Variants in DNER observed in about 807,000 individuals in gnomAD.
DNER encodes delta and Notch-like epidermal growth factor-related receptor.
Under a neutral mutation model 78.2 loss-of-function variants are expected in DNER, and 33 were observed. The observed-to-expected ratio is 0.42, with a 90% CI of 0.32 to 0.56. DNER has a LOEUF of 0.56. Ranked by LOEUF, DNER falls within the 20% of genes least tolerant of loss-of-function variation. The pLI is 0.11. For missense variants in DNER, 918 were observed against 975.3 expected (o/e 0.94, Z 0.78); for synonymous variants, 417 against 384.8 (o/e 1.08, Z -0.98).
Position 229,482,499 on chromosome 2 carries a change from A to G in DNER, c.1148-5246T>C, listed in dbSNP as rs920064357. 5.0e-4 allele frequency among the ~76,000 whole-genome samples: 76 copies of G among 152,122 alleles called. 1 individual carries two copies. The highest frequency in any genetic ancestry group is 1.0e-3 in the Non-Finnish European group (69 of 68,012). ...GGCCCCTGCACCCTCATCTTGGCCC[A>G]GTCCTGCCACCGACCACCGTGCTGC... On this transcript the variant is annotated intron_variant, in intron 6 of 12. Coordinates refer to ENST00000341772, the MANE Select transcript of DNER (RefSeq NM_139072.4).
At chr2:229,496,081 C>T (rs1055204962) in intron 6 of DNER, among the ~76,000 whole-genome samples, 2 of 152,170 alleles carry the variant, frequency 1.3e-5, no homozygotes, top group Admixed American at 6.5e-5. Context: ...CTCAAAGCTT[C>T]TGATATAGCC....
intron 1 of DNER, among the ~76,000 whole-genome samples, chr2:229,688,569 C>A (rs1417691197): frequency 1.3e-5 from 2 of 152,110 alleles, no homozygotes; most frequent in African/African-American, 2.4e-5. Context: ...AGATCTTGGC[C>A]CTCTAGGCAG....
intron 1 of DNER, among the ~76,000 whole-genome samples, chr2:229,679,165 C>T (rs1446178805): frequency 6.6e-6 from 1 of 152,132 alleles, no homozygotes; most frequent in African/African-American, 2.4e-5. Flanking sequence ...TAAATGCTGC[C>T]TCAGACCTGC....
chr2:229,522,875 C>A (rs1178353714), intron 5 of DNER, among the ~76,000 whole-genome samples: 2 of 152,158 alleles, frequency 1.3e-5, no homozygotes, highest in East Asian at 3.9e-4. Flanking sequence ...ATTTAATCCT[C>A]CCAACAGCCT....
chr2:229,553,701 C>CA (rs1382012499), intron 4 of DNER, among the ~76,000 whole-genome samples: 2 of 152,180 alleles, frequency 1.3e-5, no homozygotes, highest in African/African-American at 4.8e-5. Context: ...CTCCGTACTT[C>CA]AATCTCTATT....
intron 4 of DNER, among the ~76,000 whole-genome samples, chr2:229,557,773 C>T (rs770912461): frequency 4.6e-5 from 7 of 151,464 alleles, no homozygotes; most frequent in African/African-American, 1.5e-4. Flanking sequence ...GAAACAAAGT[C>T]GAAATGGAGG....
intron 7 of DNER, among the ~76,000 whole-genome samples, chr2:229,462,264 C>A (rs985411183): frequency 6.6e-6 from 1 of 152,006 alleles, no homozygotes. Context: ...TATGTATTGT[C>A]AGAAAGCAAT....
chr2:229,670,994 G>A (rs761061351), intron 1 of DNER, among the ~76,000 whole-genome samples: 82 of 152,168 alleles, frequency 5.4e-4, no homozygotes, highest in Admixed American at 1.5e-3. Context: ...CAGGGAGGGG[G>A]AATTTTTTTC....
chr2:229,707,180 A>ATTT (rs397868353), intron 1 of DNER, among the ~76,000 whole-genome samples: 11 of 94,608 alleles, frequency 1.2e-4, no homozygotes, highest in South Asian at 4.1e-4. Flanking sequence ...CGGCTGGCTA[A>ATTT]TTTTTTTTTT....
At chr2:229,589,545 T>C in intron 2 of DNER, among the ~76,000 whole-genome samples, 1 of 152,218 alleles carries the variant, frequency 6.6e-6, no homozygotes, top group East Asian at 1.9e-4. Flanking sequence ...TATTAACATG[T>C]CTTCCTCTGG....
chr2:229,577,598 G>A (rs868642043), intron 4 of DNER, among the ~76,000 whole-genome samples: 1 of 152,084 alleles, frequency 6.6e-6, no homozygotes, highest in Non-Finnish European at 1.5e-5. Context: ...TCGTGCCATT[G>A]CACTCCAGCA....
chr2:229,397,085 G>T (rs1392680293), intron 10 of DNER, among the ~76,000 whole-genome samples: 1 of 152,094 alleles, frequency 6.6e-6, no homozygotes, highest in Non-Finnish European at 1.5e-5. Flanking sequence ...TCTAAAAACA[G>T]CCAGAGTGAG....
At chr2:229,541,174 A>G (rs1040366235) in intron 5 of DNER, among the ~76,000 whole-genome samples, 19 of 152,200 alleles carry the variant, frequency 1.2e-4, no homozygotes, top group African/African-American at 4.6e-4. Flanking sequence ...GTTGTCCACA[A>G]TCTGCTCTGG....
intron 1 of DNER, among the ~76,000 whole-genome samples, chr2:229,620,617 C>A (rs1377410829): frequency 3.3e-5 from 5 of 152,218 alleles, no homozygotes; most frequent in African/African-American, 1.2e-4. Context: ...TGATAGAGTT[C>A]CCTGCAAATC....
chr2:229,385,743 C>T (rs1239320268), intron 11 of DNER, among the ~76,000 whole-genome samples: 1 of 152,022 alleles, frequency 6.6e-6, no homozygotes, highest in African/African-American at 2.4e-5. Context: ...GAATAAAATA[C>T]ATAAGAATAC....
intron 7 of DNER, among the ~76,000 whole-genome samples, chr2:229,461,581 C>T (rs77915649): frequency 0.011 from 1,598 of 151,592 alleles, 34 homozygotes; most frequent in African/African-American, 0.037. Context: ...AATACTGCTA[C>T]GTAGAATGAT....
chr2:229,505,781 A>G (rs1019901947), intron 6 of DNER, among the ~76,000 whole-genome samples: 2 of 152,238 alleles, frequency 1.3e-5, no homozygotes, highest in African/African-American at 2.4e-5. Context: ...GTCAATGTAA[A>G]AAGATATTAT....
At chr2:229,584,281 A>T (rs143000749) in intron 4 of DNER, among the ~76,000 whole-genome samples, 1 of 152,302 alleles carries the variant, frequency 6.6e-6, no homozygotes, top group African/African-American at 2.4e-5. Context: ...TGCCTACCCC[A>T]TCCTCCAGGT....
At chr2:229,396,289 C>G (rs568270312) in intron 10 of DNER, among the ~76,000 whole-genome samples, 3 of 133,848 alleles carry the variant, frequency 2.2e-5, no homozygotes, top group African/African-American at 7.7e-5. Context: ...AACTCAAATG[C>G]CTTTTAGTTT....
Sources: allele counts gnomAD v4.1 joint callset (sites outside exome capture counted in the v4.1 genomes callset), GRCh38; gene constraint gnomAD v4.1.1; transcripts MANE v1.5; gene names NCBI Gene and HGNC (gene_info 2026-07-23, HGNC 2026-07-21).